The following RFX3 variants were observed in gnomAD, a reference collection of about 807,000 sequenced individuals.
RFX3 encodes the protein transcription factor RFX3.
In RFX3, 14 loss-of-function variants were observed where a neutral mutation model predicts 98.6. The observed-to-expected ratio is 0.14, with a 90% CI of 0.09 to 0.22. The LOEUF (loss-of-function observed/expected upper bound fraction) is 0.22, where lower values mean the gene tolerates loss of function less well. Ranked by LOEUF, RFX3 falls within the 10% of genes least tolerant of loss-of-function variation. The pLI, the probability that RFX3 is intolerant of heterozygous loss-of-function variation, is 1.00. For missense variants in RFX3, 639 were observed against 926.9 expected, an observed-to-expected ratio of 0.69 and a Z score of 4.03; for synonymous variants, 383 against 328.4, an observed-to-expected ratio of 1.17 and a Z score of -1.80.
At chr9:3,358,479 G>T (rs540762345) in intron 2 of RFX3, among the ~76,000 whole-genome samples, 2 of 152,250 alleles carry the variant, frequency 1.3e-5, no homozygotes, top group African/African-American at 2.4e-5. Flanking sequence ...TGGCTAACTT[G>T]TCTAGGATAG....
At chr9:3,267,663 T>C (rs900050054) in intron 11 of RFX3, among the ~76,000 whole-genome samples, 5 of 151,882 alleles carry the variant, frequency 3.3e-5, no homozygotes, top group African/African-American at 4.8e-5. Flanking sequence ...AAACACTGAA[T>C]TGGAAATTTC....
chr9:3,486,118 T>C (rs895799493), intron 1 of RFX3, among the ~76,000 whole-genome samples: 1 of 114,722 alleles, frequency 8.7e-6, no homozygotes, highest in East Asian at 2.3e-4. Context: ...AAAGTGAAAC[T>C]GTCTCAAACC....
intron 16 of RFX3, 45 bp from the exon 17 acceptor site, chr9:3,225,325 G>C (rs1412475886): frequency 6.2e-7 from 1 of 1,601,796 alleles, no homozygotes; most frequent in Non-Finnish European, 8.5e-7. Flanking sequence ...AGACAAATTA[G>C]AAAATAGCAA....
In RFX3 at chr9:3,505,275, A is replaced by T. The variant is rs552973298; in HGVS notation, c.-9+20472T>A. The stretch of plus-strand genomic sequence containing the variant: ...ATGAATATATATTTATATATATATG[A>T]ATATATACATTTTTATATTTATATA... On this transcript the variant is annotated intron_variant, in intron 1 of 16. Transcript: ENST00000617270. 5.1e-3 allele frequency among the ~76,000 whole-genome samples: 365 copies of T among 71,654 alleles called. 4 individuals carry two copies. The highest frequency in any genetic ancestry group is 0.036 in the African/African-American group (342 of 9,524). The allele number at this position is 71,654 out of a possible 152,430, so 47.0% of individuals were successfully genotyped here. A position where few individuals can be genotyped will look rare whatever the true frequency, so the allele number is the denominator to read the frequency against.
At chr9:3,251,629 C>T (rs1437913874) in intron 14 of RFX3, among the ~76,000 whole-genome samples, 1 of 152,010 alleles carries the variant, frequency 6.6e-6, no homozygotes, top group African/African-American at 2.4e-5. Flanking sequence ...GCCACCATGC[C>T]TGGCCTGTAT....
chr9:3,388,874 T>C (rs1839992986), intron 2 of RFX3, among the ~76,000 whole-genome samples: 1 of 152,044 alleles, frequency 6.6e-6, no homozygotes, highest in African/African-American at 2.4e-5. Context: ...GAAGAAACAA[T>C]ATAGAGACAA....
intron 15 of RFX3, among the ~76,000 whole-genome samples, chr9:3,237,907 A>T (rs547217355): frequency 6.6e-6 from 1 of 151,866 alleles, no homozygotes; most frequent in African/African-American, 2.4e-5. Context: ...CATGAGGTCA[A>T]GGCTGCAGTG....
chr9:3,229,931 T>C (rs1377778319), intron 15 of RFX3, among the ~76,000 whole-genome samples: 1 of 152,208 alleles, frequency 6.6e-6, no homozygotes, highest in Non-Finnish European at 1.5e-5. Flanking sequence ...CAAGTACTGT[T>C]CTTCACAGTA....
chr9:3,329,213 C>A (rs993319806), intron 4 of RFX3, among the ~76,000 whole-genome samples: 1 of 151,856 alleles, frequency 6.6e-6, no homozygotes, highest in Non-Finnish European at 1.5e-5. Flanking sequence ...TCGAGACCAG[C>A]CTGGCCAACA....
chr9:3,481,646 T>A (rs1441960742), intron 1 of RFX3, among the ~76,000 whole-genome samples: 1 of 151,500 alleles, frequency 6.6e-6, no homozygotes, highest in Non-Finnish European at 1.5e-5. Context: ...AAAAAAAAGG[T>A]GCATTATGGA....
intron 2 of RFX3, among the ~76,000 whole-genome samples, chr9:3,348,996 G>A (rs1834771996): frequency 6.6e-6 from 1 of 152,056 alleles, no homozygotes; most frequent in Non-Finnish European, 1.5e-5. Context: ...CTACAATTGG[G>A]ACCCATTAAT....
At chr9:3,430,667 T>C (rs1039923883) in intron 1 of RFX3, among the ~76,000 whole-genome samples, 2 of 152,180 alleles carry the variant, frequency 1.3e-5, no homozygotes, top group South Asian at 2.1e-4. Flanking sequence ...AAATATGTTT[T>C]ATATATCAGA....
chr9:3,468,530 C>G (rs561044062), intron 1 of RFX3, among the ~76,000 whole-genome samples: 1 of 152,124 alleles, frequency 6.6e-6, no homozygotes, highest in Admixed American at 6.5e-5. Flanking sequence ...CCTTTTGCCA[C>G]GCAAATATGT....
At chr9:3,395,721 T>C (rs955656455) in intron 1 of RFX3, 125 bp from the exon 2 acceptor site, 7 of 931,452 alleles carry the variant, frequency 7.5e-6, no homozygotes, top group African/African-American at 4.9e-5. Flanking sequence ...TATCCCAACA[T>C]ACTACCATGA....
intron 1 of RFX3, chr9:3,400,273 C>G (rs1231378369): frequency 2.3e-6 from 2 of 883,864 alleles, no homozygotes; most frequent in African/African-American, 3.6e-5. Context: ...TTGTCAACTA[C>G]TTAATAGGAG....
intron 7 of RFX3, among the ~76,000 whole-genome samples, chr9:3,282,680 C>G (rs909241164): frequency 3.1e-4 from 47 of 151,722 alleles, no homozygotes; most frequent in African/African-American, 1.1e-3. Flanking sequence ...CTGTATAGAA[C>G]TGATATATTC....
chr9:3,329,165 G>C (rs1832280626), intron 4 of RFX3, among the ~76,000 whole-genome samples: 1 of 152,020 alleles, frequency 6.6e-6, no homozygotes, highest in Non-Finnish European at 1.5e-5. Context: ...CCAGCACTTT[G>C]GGAGGCTGAG....
chr9:3,265,932 A>AAT (rs527381140), intron 12 of RFX3, among the ~76,000 whole-genome samples: 68 of 152,182 alleles, frequency 4.5e-4, no homozygotes, highest in African/African-American at 1.6e-3. Context: ...TATAATTTAG[A>AAT]ATATATATAT....
chr9:3,512,747 A>C (rs992821049), intron 1 of RFX3, among the ~76,000 whole-genome samples: 1 of 152,098 alleles, frequency 6.6e-6, no homozygotes, highest in Non-Finnish European at 1.5e-5. Flanking sequence ...GGGTCCTCCC[A>C]TTAGGTAAAA....
Sources: gnomAD v4.1 joint callset for allele counts (sites outside exome capture counted in the v4.1 genomes callset) on GRCh38, gnomAD v4.1.1 for gene constraint, MANE v1.5 for transcripts, NCBI Gene and HGNC (gene_info 2026-07-23, HGNC 2026-07-21) for gene names.